MARK1: variants seen among roughly 807,000 people sequenced by gnomAD.
MARK1 encodes serine/threonine-protein kinase MARK1.
A neutral mutation model predicts 96.3 loss-of-function variants in MARK1; 40 were observed. That is an observed-to-expected ratio of 0.42 (90% confidence interval 0.32 to 0.54). MARK1 has a LOEUF of 0.54. Ranked by LOEUF, MARK1 falls within the 20% of genes least tolerant of loss-of-function variation. MARK1 has a pLI of 0.16. For synonymous variants in MARK1, 317 were observed against 341.2 expected (o/e 0.93, Z 0.78); for missense variants, 719 against 984.6 (o/e 0.73, Z 3.61).
chr1:220,610,342 G>T (rs534870318), intron 6 of MARK1, among the ~76,000 whole-genome samples: 1 of 151,880 alleles, frequency 6.6e-6, no homozygotes, highest in Non-Finnish European at 1.5e-5. Context: ...TGATCGAATC[G>T]GCTATTGAAG....
At chr1:220,590,477 A>G (rs1035334193) in intron 3 of MARK1, among the ~76,000 whole-genome samples, 1 of 152,152 alleles carries the variant, frequency 6.6e-6, no homozygotes, top group African/African-American at 2.4e-5. Context: ...GACACCAGTC[A>G]TATTGGATTG....
At chr1:220,547,807 C>G (rs55667833) in intron 1 of MARK1, among the ~76,000 whole-genome samples, 1 of 152,210 alleles carries the variant, frequency 6.6e-6, no homozygotes, top group Non-Finnish European at 1.5e-5. Context: ...ACCTCGTGAT[C>G]TGCCTGCCTC....
intron 6 of MARK1, among the ~76,000 whole-genome samples, chr1:220,610,300 G>T (rs1666365108): frequency 6.6e-6 from 1 of 151,936 alleles, no homozygotes; most frequent in South Asian, 2.1e-4. Context: ...TCACTAATTT[G>T]ATCTTCAGTC....
At chr1:220,603,636 G>A (rs1229131863) in intron 5 of MARK1, among the ~76,000 whole-genome samples, 2 of 152,062 alleles carry the variant, frequency 1.3e-5, no homozygotes, top group African/African-American at 4.8e-5. Flanking sequence ...CAGACTACAT[G>A]ACAGGGAGAA....
Position 220,605,534 on chromosome 1 carries a change from A to G in MARK1, c.495+1397A>G, listed in dbSNP as rs1388666657. On this transcript the variant is annotated intron_variant, in intron 6 of 17. Coordinates refer to ENST00000366917, the MANE Select transcript of MARK1 (RefSeq NM_018650.5). ...TATTTTTCTTCCTTTTTTAAATTAT[A>G]CTTTAAGTTTCAGGGTACATGTGCA... 2.0e-5 allele frequency among the ~76,000 whole-genome samples: 3 copies of G among 151,280 alleles called. No individual in the cohort carries two copies. The East Asian group carries it at 5.8e-4, about 29-fold the overall frequency.
rs1325208316 is a variant in MARK1, at chr1:220,652,059, C to T, written c.1645C>T (p.Pro549Ser). 1 of 1,613,598 alleles carries T rather than the reference C, an allele frequency of 6.2e-7. No homozygotes were observed. Among genetic ancestry groups the T allele is most frequent in the Non-Finnish European group, 8.5e-7 (1 of 1,179,724 alleles). Residue 549 changes from proline (P) to serine (S), a missense_variant, in exon 15 of 18, where the codon CCC (proline) becomes TCC (serine). By Grantham distance (74) the Pro-to-Ser change is moderately conservative. This residue lies in a region of MARK1 where 501 missense variants were observed against 588.3 expected (regional missense o/e 0.85). Coordinates refer to ENST00000366917, the MANE Select transcript of MARK1 (RefSeq NM_018650.5). Reference sequence around the variant, plus strand: ...GGCCTCTGCTGTCCCCTCAGCACGACCCCGCCACCAGAAGTCCATGTCCAC... The same window carrying T: ...GGCCTCTGCTGTCCCCTCAGCACGATCCCGCCACCAGAAGTCCATGTCCAC... ...SVASAVPSAR[P>S]RHQKSMSTSG...
chr1:220,531,882 A>C (rs1660340332), intron 1 of MARK1, among the ~76,000 whole-genome samples: 5 of 151,082 alleles, frequency 3.3e-5, no homozygotes, highest in Admixed American at 3.3e-4. Context: ...ATAAACAGTA[A>C]GTCCAGAAAA....
At chr1:220,637,605 G>A (rs950399803) in intron 13 of MARK1, among the ~76,000 whole-genome samples, 1 of 152,120 alleles carries the variant, frequency 6.6e-6, no homozygotes, top group African/African-American at 2.4e-5. Context: ...CTGGAACCTG[G>A]GAGGCAGAGG....
intron 1 of MARK1, among the ~76,000 whole-genome samples, chr1:220,545,439 GTTTTT>G (rs35422682): frequency 1.1e-5 from 1 of 87,260 alleles, no homozygotes; most frequent in Non-Finnish European, 2.1e-5. Context: ...CTTTCTCATG[GTTTTT>G]TTTTTTTTTT....
chr1:220,558,327 G>T (rs193025082), intron 1 of MARK1, among the ~76,000 whole-genome samples: 1 of 151,468 alleles, frequency 6.6e-6, no homozygotes, highest in Non-Finnish European at 1.5e-5. Context: ...ATAGCAGCTT[G>T]CAGTAGGGAG....
chr1:220,617,863 T>C (rs1018202176), intron 7 of MARK1, among the ~76,000 whole-genome samples: 4 of 152,186 alleles, frequency 2.6e-5, no homozygotes, highest in African/African-American at 9.7e-5. Context: ...ACTGTAGATA[T>C]ACCTTTGAGC....
intron 1 of MARK1, among the ~76,000 whole-genome samples, chr1:220,541,144 G>GTGAAA (rs1460394103): frequency 1.3e-5 from 2 of 152,102 alleles, no homozygotes; most frequent in Non-Finnish European, 2.9e-5. Flanking sequence ...TGTTGGCCAG[G>GTGAAA]CTGGTCTAAA....
At chr1:220,539,831 GT>G (rs889301665) in intron 1 of MARK1, among the ~76,000 whole-genome samples, 3 of 150,386 alleles carry the variant, frequency 2.0e-5, no homozygotes, top group Admixed American at 1.3e-4. Flanking sequence ...TTGACTTGTA[GT>G]TTTTTTTTCC....
intron 1 of MARK1, among the ~76,000 whole-genome samples, chr1:220,542,172 A>G (rs1474685433): frequency 1.3e-5 from 2 of 152,188 alleles, no homozygotes; most frequent in African/African-American, 2.4e-5. Flanking sequence ...TTTTTCTCTT[A>G]AGCTTGTCTG....
chr1:220,551,384 G>C (rs1232541157), intron 1 of MARK1, among the ~76,000 whole-genome samples: 6 of 152,170 alleles, frequency 3.9e-5, no homozygotes, highest in Non-Finnish European at 8.8e-5. Flanking sequence ...AGAGAGAAGG[G>C]AATTCTGGGA....
chr1:220,611,264 C>G (rs1361515789), intron 6 of MARK1, among the ~76,000 whole-genome samples: 1 of 152,226 alleles, frequency 6.6e-6, no homozygotes, highest in Non-Finnish European at 1.5e-5. Context: ...TGTTTACCTA[C>G]TCAAGCCTCA....
At chr1:220,589,714 G>A (rs776046622) in intron 3 of MARK1, among the ~76,000 whole-genome samples, 1 of 152,140 alleles carries the variant, frequency 6.6e-6, no homozygotes, top group Non-Finnish European at 1.5e-5. Context: ...AAATTTGAAG[G>A]GGAATAGTAA....
rs1003184606 is a variant in MARK1 at position 220,616,826 on chromosome 1, A to G, written c.552+831A>G. Among the ~76,000 whole-genome samples the G allele has an allele frequency of 1.4e-4, 21 of 152,300 alleles. No individual in the cohort carries two copies. The South Asian group carries it at 1.9e-3, about 14-fold the overall frequency. On this transcript the variant is annotated intron_variant, in intron 7 of 17. Transcript: ENST00000366917. ...TCACTTCTATGATGAATGAGAAAGA[A>G]AAGAACTGTTCCCCTGCTTCTGTGT...
At chr1:220,553,373 A>G (rs1418961228) in intron 1 of MARK1, among the ~76,000 whole-genome samples, 1 of 152,214 alleles carries the variant, frequency 6.6e-6, no homozygotes, top group Non-Finnish European at 1.5e-5. Context: ...TGGTACCAGC[A>G]TATTGTGCAG....
Sources: allele counts gnomAD v4.1 joint callset (sites outside exome capture counted in the v4.1 genomes callset), GRCh38; gene constraint gnomAD v4.1.1; regional missense constraint gnomAD v4.1.1; transcripts MANE v1.5; gene names NCBI Gene and HGNC (gene_info 2026-07-23, HGNC 2026-07-21).